Variants in TBL1X observed in about 807,000 individuals in gnomAD.
TBL1X encodes transducin beta like 1 X-linked.
A neutral mutation model predicts 50.7 loss-of-function variants in TBL1X; 10 were observed. The ratio of observed to expected loss-of-function variants is 0.20; its 90% CI spans 0.12 to 0.33. The LOEUF is 0.33. Ranked by LOEUF, TBL1X falls within the 10% of genes least tolerant of loss-of-function variation. TBL1X has a pLI of 1.00. For missense variants in TBL1X, 340 were observed against 504.4 expected (o/e 0.67, Z 3.12); for synonymous variants, 190 against 214.7 (o/e 0.88, Z 1.01).
chrX:9,666,502 T>C (rs2082931856), intron 5 of TBL1X, among the ~76,000 whole-genome samples: 1 of 112,006 alleles, frequency 8.9e-6, no homozygotes, highest in Non-Finnish European at 1.9e-5. Context: ...CTTTGAAAAA[T>C]AAAGGCAATT....
At chrX:9,473,335 C>T (rs1318210091) in intron 1 of TBL1X, among the ~76,000 whole-genome samples, 2 of 112,163 alleles carry the variant, frequency 1.8e-5, no homozygotes, top group African/African-American at 6.5e-5. Context: ...TTGAATCGTA[C>T]ACAACTGTAA....
chrX:9,627,086 C>T (rs1408254442), intron 2 of TBL1X, among the ~76,000 whole-genome samples: 2 of 112,082 alleles, frequency 1.8e-5, no homozygotes, highest in Non-Finnish European at 3.8e-5. Context: ...GAAGCATTTA[C>T]ATATTGAAGG....
Position 9,465,295 on chromosome X carries a change from CG to C in TBL1X, c.-348del, listed in dbSNP as rs1044013953. 58 of 105,516 alleles carry C rather than the reference CG, an allele frequency of 5.5e-4. No homozygotes were observed. The South Asian group carries it at 0.019, about 34-fold the overall frequency. 8.7% of individuals were successfully genotyped at this position (105,516 alleles called of 1,213,427 possible). ...TCTCCGGGACTCGGCGGCGGCGGGG[CG>C]GGGGCGGCCCGGGGGCGGCGCGCGG... On this transcript the variant is annotated 5_prime_UTR_variant, in exon 1 of 18. Transcript: ENST00000645353.
chrX:9,556,760 G>C (rs187366197), intron 2 of TBL1X, among the ~76,000 whole-genome samples: 1 of 109,899 alleles, frequency 9.1e-6, no homozygotes, highest in African/African-American at 3.3e-5. Flanking sequence ...CTGAAGGCTC[G>C]AGGGTTAAGT....
At chrX:9,552,779 C>T (rs755402847) in intron 2 of TBL1X, among the ~76,000 whole-genome samples, 2 of 111,789 alleles carry the variant, frequency 1.8e-5, no homozygotes, top group Admixed American at 9.5e-5. Flanking sequence ...CAAGGTGTAT[C>T]TCCATCCTAA....
intron 1 of TBL1X, among the ~76,000 whole-genome samples, chrX:9,491,338 A>ATATATTTTT (rs1328551249): frequency 2.2e-4 from 7 of 31,312 alleles, no homozygotes; most frequent in African/African-American, 8.2e-4. Flanking sequence ...ATATATATAT[A>ATATATTTTT]TTTTTTTTTT....
intron 1 of TBL1X, among the ~76,000 whole-genome samples, chrX:9,483,746 G>T (rs1407087943): frequency 9.5e-6 from 1 of 105,359 alleles, no homozygotes; most frequent in Non-Finnish European, 2.0e-5. Context: ...CCACCCAGGT[G>T]ATACTGAATC....
At chrX:9,686,631 G>C (rs1204737748) in intron 6 of TBL1X, among the ~76,000 whole-genome samples, 1 of 112,868 alleles carries the variant, frequency 8.9e-6, no homozygotes, top group African/African-American at 3.2e-5. Context: ...CCAGGAGTTT[G>C]AGGCTGCAGT....
chrX:9,684,775 G>A (rs1025315857), intron 6 of TBL1X, among the ~76,000 whole-genome samples: 5 of 111,552 alleles, frequency 4.5e-5, no homozygotes, highest in African/African-American at 1.6e-4. Flanking sequence ...CACTTACACC[G>A]CCACATCTGA....
At chrX:9,572,002 TTG>T in intron 2 of TBL1X, among the ~76,000 whole-genome samples, 1 of 111,813 alleles carries the variant, frequency 8.9e-6, no homozygotes, top group East Asian at 2.8e-4. Context: ...GACAGTTGGG[TTG>T]TTTACAAGGA....
At chrX:9,601,755 T>G (rs1353150441) in intron 2 of TBL1X, among the ~76,000 whole-genome samples, 1 of 111,884 alleles carries the variant, frequency 8.9e-6, no homozygotes, top group African/African-American at 3.3e-5. Context: ...ATATTGACAC[T>G]ATTGACACTA....
chrX:9,494,667 T>C (rs2081962864), intron 1 of TBL1X, among the ~76,000 whole-genome samples: 1 of 112,249 alleles, frequency 8.9e-6, no homozygotes. Flanking sequence ...TTAAGTAGGC[T>C]TTGATCTCTT....
chrX:9,600,475 G>GGGGGGGGA (rs1555899127), intron 2 of TBL1X, among the ~76,000 whole-genome samples: 29 of 73,695 alleles, frequency 3.9e-4, no homozygotes, highest in African/African-American at 1.3e-3. Context: ...TGGGCGGGGG[G>GGGGGGGGA]GGGGGTACAC....
chrX:9,490,547 T>G (rs903840629), intron 1 of TBL1X, among the ~76,000 whole-genome samples: 2 of 111,517 alleles, frequency 1.8e-5, no homozygotes, highest in Non-Finnish European at 3.8e-5. Flanking sequence ...AAACAGGCAA[T>G]TTTAGGTGAT....
chrX:9,569,598 G>A (rs1412782728), intron 2 of TBL1X, among the ~76,000 whole-genome samples: 1 of 111,966 alleles, frequency 8.9e-6, no homozygotes, highest in Non-Finnish European at 1.9e-5. Context: ...CCCAGGAGTT[G>A]GAGGCTGCAG....
intron 2 of TBL1X, among the ~76,000 whole-genome samples, chrX:9,603,573 G>T (rs2082567555): frequency 8.9e-6 from 1 of 111,758 alleles, no homozygotes; most frequent in African/African-American, 3.3e-5. Context: ...CATCTGGAGG[G>T]GACTGCAGAG....
intron 5 of TBL1X, among the ~76,000 whole-genome samples, chrX:9,656,982 A>G (rs1257373164): frequency 9.0e-6 from 1 of 111,519 alleles, no homozygotes; most frequent in African/African-American, 3.3e-5. Flanking sequence ...AAGCACCTGT[A>G]CTCTTACTCC....
intron 2 of TBL1X, among the ~76,000 whole-genome samples, chrX:9,586,953 A>G (rs2082473263): frequency 8.9e-6 from 1 of 112,215 alleles, no homozygotes; most frequent in African/African-American, 3.2e-5. Flanking sequence ...TGTGTGCAGG[A>G]ACGATTGCTG....
chrX:9,588,207 G>A (rs989999738), intron 2 of TBL1X, among the ~76,000 whole-genome samples: 1 of 111,862 alleles, frequency 8.9e-6, no homozygotes, highest in Non-Finnish European at 1.9e-5. Context: ...AAGTGTAAGG[G>A]AGGATGAGCG....
Sources: gnomAD v4.1 joint callset for allele counts (sites outside exome capture counted in the v4.1 genomes callset) on GRCh38, gnomAD v4.1.1 for gene constraint, MANE v1.5 for transcripts, NCBI Gene and HGNC (gene_info 2026-07-23, HGNC 2026-07-21) for gene names.